Variants in CEP170 observed in about 807,000 individuals in gnomAD.
The protein encoded by CEP170 is centrosomal protein of 170 kDa.
Under a neutral mutation model 151.9 loss-of-function variants are expected in CEP170, and 21 were observed. The observed-to-expected ratio is 0.14, with a 90% CI of 0.10 to 0.20. The LOEUF is 0.20. CEP170 is among the 10% of genes least tolerant of loss of function. The pLI, the probability that CEP170 is intolerant of heterozygous loss-of-function variation, is 1.00. For synonymous variants in CEP170, 356 were observed against 648.8 expected, an observed-to-expected ratio of 0.55 and a Z score of 6.86; for missense variants, 964 against 1,892.9, an observed-to-expected ratio of 0.51 and a Z score of 9.11.
chr1:243,225,866 C>T (rs1389681442), intron 1 of CEP170, among the ~76,000 whole-genome samples: 3 of 151,608 alleles, frequency 2.0e-5, no homozygotes, highest in East Asian at 1.9e-4. Flanking sequence ...TGTCTTAATA[C>T]GTTTTCCTAG....
chr1:243,209,837 C>T (rs1202337057), intron 4 of CEP170, among the ~76,000 whole-genome samples: 3 of 151,684 alleles, frequency 2.0e-5, no homozygotes, highest in Admixed American at 6.6e-5. Context: ...GGAGTACAGG[C>T]GCCCGCCACC....
At chr1:243,127,023 A>C (rs941755853) in intron 19 of CEP170, among the ~76,000 whole-genome samples, 1 of 152,138 alleles carries the variant, frequency 6.6e-6, no homozygotes, top group Non-Finnish European at 1.5e-5. Flanking sequence ...AATCTTGTTG[A>C]AATTTGTCTT....
intron 19 of CEP170, among the ~76,000 whole-genome samples, chr1:243,127,173 C>T (rs2148136160): frequency 6.6e-6 from 1 of 152,280 alleles, no homozygotes; most frequent in South Asian, 2.1e-4. Flanking sequence ...AGAAGAACAT[C>T]AGCATACTTT....
chr1:243,223,176 T>A (rs1009295661), intron 2 of CEP170, among the ~76,000 whole-genome samples: 4 of 152,172 alleles, frequency 2.6e-5, no homozygotes, highest in Non-Finnish European at 5.9e-5. Context: ...GAAGTGAGAT[T>A]TCAAGTACAT....
chr1:243,130,028 T>G (rs2054211239), intron 17 of CEP170, among the ~76,000 whole-genome samples: 1 of 152,174 alleles, frequency 6.6e-6, no homozygotes, highest in Non-Finnish European at 1.5e-5. Flanking sequence ...ACACAGTATA[T>G]TAGGTTTTAG....
intron 14 of CEP170, among the ~76,000 whole-genome samples, chr1:243,146,341 C>T (rs1016608513): frequency 2.0e-5 from 3 of 152,064 alleles, no homozygotes; most frequent in Admixed American, 2.0e-4. Context: ...TCGCGAAGAA[C>T]GCAGAAGAGA....
At chr1:243,152,239 T>A (rs1266559828) in intron 14 of CEP170, among the ~76,000 whole-genome samples, 1 of 151,530 alleles carries the variant, frequency 6.6e-6, no homozygotes, top group Non-Finnish European at 1.5e-5. Flanking sequence ...TTTTTTTTTT[T>A]GAGACGGAGT....
chr1:243,212,629 C>T (rs1209807351), intron 3 of CEP170, among the ~76,000 whole-genome samples: 7 of 152,032 alleles, frequency 4.6e-5, no homozygotes, highest in Admixed American at 3.3e-4. Flanking sequence ...AAAAGAATAA[C>T]AGAAGCAATA....
At chr1:243,159,490 TA>T (rs561780464) in intron 13 of CEP170, among the ~76,000 whole-genome samples, 225 of 152,328 alleles carry the variant, frequency 1.5e-3, no homozygotes, top group Non-Finnish European at 2.8e-3. Flanking sequence ...TTTTTTCTTC[TA>T]AAGAAAATTC....
At chr1:243,156,965 C>T (rs1340883233) in intron 13 of CEP170, 1 of 152,174 alleles carries the variant, frequency 6.6e-6, no homozygotes, top group African/African-American at 2.4e-5. Flanking sequence ...ATAATTCCGG[C>T]TGTGGAAATT....
chr1:243,228,212 A>C (rs991965185), intron 1 of CEP170, among the ~76,000 whole-genome samples: 1 of 152,230 alleles, frequency 6.6e-6, no homozygotes, highest in Non-Finnish European at 1.5e-5. Flanking sequence ...ATGTTAAGGT[A>C]AAATCTTGAA....
At chr1:243,217,723 G>C (rs930622833) in intron 3 of CEP170, among the ~76,000 whole-genome samples, 3 of 152,250 alleles carry the variant, frequency 2.0e-5, no homozygotes, top group East Asian at 1.9e-4. Context: ...CATTTAACTA[G>C]ATCAAATTTT....
intron 8 of CEP170, 62 bp from the exon 9 acceptor site, chr1:243,186,484 C>T (rs2059944248): frequency 2.7e-6 from 4 of 1,507,998 alleles, no homozygotes; most frequent in Non-Finnish European, 3.5e-6. Context: ...AATTTAGAAG[C>T]ATATACAAAA....
At chr1:243,141,429 T>G (rs2055822194) in intron 15 of CEP170, among the ~76,000 whole-genome samples, 1 of 152,186 alleles carries the variant, frequency 6.6e-6, no homozygotes, top group Non-Finnish European at 1.5e-5. Context: ...TCATGTAATT[T>G]TCATGTTGCG....
intron 1 of CEP170, among the ~76,000 whole-genome samples, chr1:243,248,140 A>G (rs534141690): frequency 8.5e-5 from 13 of 152,342 alleles, no homozygotes; most frequent in Admixed American, 7.8e-4. Flanking sequence ...ATGTTGATAA[A>G]CCAGATTTAA....
intron 19 of CEP170, among the ~76,000 whole-genome samples, chr1:243,127,002 A>G (rs2053776825): frequency 1.3e-5 from 2 of 152,172 alleles, no homozygotes; most frequent in African/African-American, 2.4e-5. Flanking sequence ...GAAGATGTGG[A>G]ATTCAAGAAA....
At chr1:243,135,906 G>A (rs1487657399) in intron 17 of CEP170, 1 of 311,330 alleles carries the variant, frequency 3.2e-6, no homozygotes, top group Non-Finnish European at 6.1e-6. Flanking sequence ...ATAGGAATCA[G>A]AAATAAGCAA....
At chr1:243,251,007 A>T (rs1284752941) in intron 1 of CEP170, among the ~76,000 whole-genome samples, 1 of 152,226 alleles carries the variant, frequency 6.6e-6, no homozygotes, top group Non-Finnish European at 1.5e-5. Context: ...AAAGGAAACC[A>T]TATGAAGTTG....
At chr1:243,173,359 C>T (rs527693672) in intron 10 of CEP170, among the ~76,000 whole-genome samples, 9 of 151,462 alleles carry the variant, frequency 5.9e-5, no homozygotes, top group East Asian at 5.9e-4. Flanking sequence ...CATGCCTGGC[C>T]GAAAGTAACT....
Sources: gnomAD v4.1 joint callset for allele counts (sites outside exome capture counted in the v4.1 genomes callset) on GRCh38, gnomAD v4.1.1 for gene constraint, MANE v1.5 for transcripts, NCBI Gene and HGNC (gene_info 2026-07-23, HGNC 2026-07-21) for gene names.